CDNF: variants seen among roughly 807,000 people sequenced by gnomAD.
CDNF encodes the protein cerebral dopamine neurotrophic factor, also known as ARMET-like protein 1.
A neutral mutation model predicts 14.8 loss-of-function variants in CDNF; 9 were observed. The observed-to-expected ratio is 0.61, with a 90% CI of 0.37 to 1.06. The LOEUF (loss-of-function observed/expected upper bound fraction) is 1.06, where lower values mean the gene tolerates loss of function less well. Among genes scored for constraint, CDNF ranks in the 50% least tolerant of loss-of-function variants. CDNF has a pLI of 0.01. For missense variants in CDNF, 228 were observed against 228.4 expected (o/e 1.00, Z 0.01); for synonymous variants, 86 against 87.2 (o/e 0.99, Z 0.07).
At position 14,820,071 on chromosome 10, in the gene CDNF, C is replaced by T; in HGVS notation, c.473G>A (p.Cys158Tyr). Residue 158 changes from cysteine (C) to tyrosine (Y), a missense_variant, in exon 4 of 4, where the codon TGC becomes TAC. By Grantham distance (194) the Cys-to-Tyr change is radical. Transcript: ENST00000465530. ...KQILHSWGEE[C>Y]RACAEKTDYV... ...GTCAGTTTTTTCTGCACAGGCCCTGCACTCCTCCCCCCAGCTATGCAGGAT... is the reference window on the plus strand; with the variant it reads ...GTCAGTTTTTTCTGCACAGGCCCTGTACTCCTCCCCCCAGCTATGCAGGAT... 1 of 1,614,158 alleles carries T rather than the reference C, an allele frequency of 6.2e-7. No homozygotes were observed.
intron 1 of CDNF, 29 bp downstream of exon 1, chr10:14,837,803 G>A (rs753156809): frequency 7.7e-5 from 108 of 1,395,902 alleles, no homozygotes; most frequent in Non-Finnish European, 9.8e-5. Flanking sequence ...CGGGGCCGCC[G>A]CCATGCAAGC....
intron 2 of CDNF, among the ~76,000 whole-genome samples, chr10:14,826,029 GAGA>G (rs57619992): frequency 0.088 from 7,542 of 85,710 alleles, 314 homozygotes; most frequent in Non-Finnish European, 0.11. Context: ...GAAGAAGAAG[GAGA>G]AGAAGAAGAA....
intron 1 of CDNF, among the ~76,000 whole-genome samples, chr10:14,830,450 C>A (rs1833835585): frequency 6.6e-6 from 1 of 152,154 alleles, no homozygotes; most frequent in African/African-American, 2.4e-5. Context: ...CCCTTCTTCC[C>A]TAGGGGTTCA....
At chr10:14,822,145 T>C (rs1833742993) in intron 3 of CDNF, among the ~76,000 whole-genome samples, 1 of 152,208 alleles carries the variant, frequency 6.6e-6, no homozygotes. Context: ...CCCTTTGTGT[T>C]ATTCCCACTT....
At position 14,838,020 on chromosome 10, in the gene CDNF, G is replaced by C; in HGVS notation, c.-74C>G. 8.7e-7 allele frequency: 1 copy of C among 1,144,076 alleles called. No individual in the cohort carries two copies. Among genetic ancestry groups the C allele is most frequent in the East Asian group, 2.6e-5 (1 of 39,188 alleles). The allele number at this position is 1,144,076 out of a possible 1,614,324, so 70.9% of individuals were successfully genotyped here. A position where few individuals can be genotyped will look rare whatever the true frequency, so the allele number is the denominator to read the frequency against. ...CCAAGCTGCCAAAGCGAGCTGAGCA[G>C]AATTCGAGGTTGGAAAGAATCTGCC... On this transcript the variant is annotated 5_prime_UTR_variant, in exon 1 of 4. Coordinates refer to ENST00000465530, the MANE Select transcript of CDNF (RefSeq NM_001029954.3).
chr10:14,827,447 A>C (rs1296843206), intron 2 of CDNF, among the ~76,000 whole-genome samples: 1 of 151,944 alleles, frequency 6.6e-6, no homozygotes, highest in Non-Finnish European at 1.5e-5. Context: ...TGATTAGAAG[A>C]AAATATAAAT....
intron 2 of CDNF, among the ~76,000 whole-genome samples, chr10:14,827,305 C>T (rs1017782496): frequency 2.0e-5 from 3 of 151,958 alleles, no homozygotes; most frequent in Non-Finnish European, 2.9e-5. Context: ...TGGTGAACAG[C>T]CAACATGCAG....
At chr10:14,836,572 A>C (rs1833889250) in intron 1 of CDNF, among the ~76,000 whole-genome samples, 1 of 152,242 alleles carries the variant, frequency 6.6e-6, no homozygotes, top group African/African-American at 2.4e-5. Context: ...TAACATGTAG[A>C]TATTTTAAAT....
At chr10:14,829,494 G>T (rs1237363987) in intron 1 of CDNF, among the ~76,000 whole-genome samples, 1 of 152,188 alleles carries the variant, frequency 6.6e-6, no homozygotes, top group South Asian at 2.1e-4. Context: ...TGGGAGGCTT[G>T]TTAGGTCATT....
rs1206013081 is a variant in CDNF at position 14,837,925 on chromosome 10, C to CA, written c.21dup (p.Ala8CysfsTer31). The CA allele has an allele frequency of 3.1e-6, 5 of 1,603,384 alleles. No individual in the cohort carries two copies. The South Asian group carries it at 5.6e-5, about 18-fold the overall frequency. On this transcript the variant is annotated frameshift_variant, in exon 1 of 4. Coordinates refer to ENST00000465530, the MANE Select transcript of CDNF (RefSeq NM_001029954.3). LOFTEE classifies it high-confidence loss of function. ...AGCCCGGCGCAAAAGGCCACCACAGCAACTGGGCTCGCGCACCACATGCTG... is the reference window on the plus strand; with the variant it reads ...AGCCCGGCGCAAAAGGCCACCACAGCAAACTGGGCTCGCGCACCACATGCTG...
intron 3 of CDNF, among the ~76,000 whole-genome samples, chr10:14,821,044 GC>G (rs1833734065): frequency 6.6e-6 from 1 of 152,050 alleles, no homozygotes; most frequent in African/African-American, 2.4e-5. Flanking sequence ...GGCCTCCCCA[GC>G]CATGCTTCCT....
Position 14,837,970 on chromosome 10 carries a change from C to T in CDNF, c.-24G>A. 1 of 1,538,548 alleles carries T rather than the reference C, an allele frequency of 6.5e-7. No homozygotes were observed. Among genetic ancestry groups the T allele is most frequent in the Non-Finnish European group, 8.8e-7 (1 of 1,134,864 alleles). ...ATGCTGGGCCAGCAGCTTCAATCGC[C>T]TCCGCCACCCGCGCCCACCGCCCAC... On this transcript the variant is annotated 5_prime_UTR_variant, in exon 1 of 4. Transcript: ENST00000465530.
At chr10:14,832,937 G>A (rs1833856211) in intron 1 of CDNF, among the ~76,000 whole-genome samples, 1 of 136,888 alleles carries the variant, frequency 7.3e-6, no homozygotes, top group African/African-American at 2.8e-5. Flanking sequence ...TCGGCTCACT[G>A]CAACCTCCAA....
intron 3 of CDNF, among the ~76,000 whole-genome samples, chr10:14,821,262 T>C (rs1472139330): frequency 6.6e-6 from 1 of 152,076 alleles, no homozygotes; most frequent in African/African-American, 2.4e-5. Flanking sequence ...GTAGCTGGGA[T>C]TACAGGCACC....
chr10:14,820,129 G>C lies in CDNF; in HGVS notation c.415C>G (p.Leu139Val). The change falls in exon 4 of 4, where the codon CTG becomes GTG. Residue 139 changes from leucine (L) to valine (V), a missense_variant. Coordinates refer to ENST00000465530, the MANE Select transcript of CDNF (RefSeq NM_001029954.3). Reference protein sequence around the residue: ...EKTLDLASVDLRKMRVAELKQ... With the variant: ...EKTLDLASVDVRKMRVAELKQ... The stretch of plus-strand genomic sequence containing the variant: ...AGCTCTGCCACTCTCATCTTCCGCA[G>C]GTCAACTGATGCCAAGTCCAGTGTT... The C allele has an allele frequency of 3.1e-6, 5 of 1,613,820 alleles. No homozygotes were observed. Among genetic ancestry groups the C allele is most frequent in the Non-Finnish European group, 4.2e-6 (5 of 1,179,946 alleles).
At chr10:14,835,622 G>C (rs1480824312) in intron 1 of CDNF, among the ~76,000 whole-genome samples, 1 of 151,906 alleles carries the variant, frequency 6.6e-6, no homozygotes, top group Non-Finnish European at 1.5e-5. Context: ...TATTTATATT[G>C]TGCTTTTATG....
chr10:14,831,964 G>A (rs150430074), intron 1 of CDNF, among the ~76,000 whole-genome samples: 27 of 152,214 alleles, frequency 1.8e-4, no homozygotes, highest in African/African-American at 6.0e-4. Flanking sequence ...TTTACTAAGC[G>A]ACTAGTAAGT....
chr10:14,819,866 A>G lies in CDNF; in HGVS notation c.*114T>C. The G allele has an allele frequency of 9.3e-7, 1 of 1,078,112 alleles. No homozygotes were observed. The highest frequency in any genetic ancestry group is 1.3e-6 in the Non-Finnish European group (1 of 753,078). 66.8% of individuals were successfully genotyped at this position (1,078,112 alleles called of 1,614,324 possible). On this transcript the variant is annotated 3_prime_UTR_variant, in exon 4 of 4. Transcript: ENST00000465530. ...AATTCTGAGGAATAATACCAACACA[A>G]AAAGCATGAGACCAAATATGATGCA...
At chr10:14,825,770 G>A in intron 2 of CDNF, 150 bp from the exon 3 acceptor site, 1 of 785,160 alleles carries the variant, frequency 1.3e-6, no homozygotes, top group Middle Eastern at 3.6e-4. Context: ...AGGTTGAGGA[G>A]GGCAGATCAT....
Sources: gnomAD v4.1 joint callset for allele counts (sites outside exome capture counted in the v4.1 genomes callset) on GRCh38, gnomAD v4.1.1 for gene constraint, MANE v1.5 for transcripts, NCBI Gene and HGNC (gene_info 2026-07-23, HGNC 2026-07-21) for gene names.